Variants in FOXK1 observed in about 807,000 individuals in gnomAD.
FOXK1 encodes forkhead box protein K1.
FOXK1 carries 19 observed loss-of-function variants against 51.9 expected under a neutral mutation model. The observed-to-expected ratio is 0.37, with a 90% CI of 0.26 to 0.54. The LOEUF is 0.54. Among genes scored for constraint, FOXK1 ranks in the 20% least tolerant of loss-of-function variants. The pLI, the probability that FOXK1 is intolerant of heterozygous loss-of-function variation, is 0.87. For missense variants in FOXK1, 870 were observed against 1,032.7 expected, an observed-to-expected ratio of 0.84 and a Z score of 2.16; for synonymous variants, 537 against 482.6, an observed-to-expected ratio of 1.11 and a Z score of -1.48.
intron 1 of FOXK1, among the ~76,000 whole-genome samples, chr7:4,686,755 T>G (rs1471052677): frequency 6.6e-6 from 1 of 152,008 alleles, no homozygotes; most frequent in African/African-American, 2.4e-5. Context: ...CACATGAATT[T>G]GCAGCTTCTG....
intron 1 of FOXK1, among the ~76,000 whole-genome samples, chr7:4,700,072 C>T (rs1453129699): frequency 6.6e-6 from 1 of 152,166 alleles, no homozygotes; most frequent in Non-Finnish European, 1.5e-5. Flanking sequence ...AGAGCCATTT[C>T]CGTCAGGAGG....
Position 4,729,837 on chromosome 7 carries a change from A to C in FOXK1, c.561-11001A>C, listed in dbSNP as rs1373666951. 6.6e-6 allele frequency among the ~76,000 whole-genome samples: 1 copy of C among 152,072 alleles called. No homozygotes were observed. The highest frequency in any genetic ancestry group is 1.5e-5 in the Non-Finnish European group (1 of 68,008). Reference sequence around the variant, plus strand: ...AAACCCCATCTCTACTAACAATACAAAAACTAGCCAGGCCTGGTAGTGGGT... The same window carrying C: ...AAACCCCATCTCTACTAACAATACACAAACTAGCCAGGCCTGGTAGTGGGT... On this transcript the variant is annotated intron_variant, in intron 1 of 8. Coordinates refer to ENST00000328914, the MANE Select transcript of FOXK1 (RefSeq NM_001037165.2). The surrounding 1 kb of genome is among the most constrained non-coding windows in gnomAD (Gnocchi z 6.2).
In FOXK1 at chr7:4,729,957, T is replaced by C. The variant is rs970565861; in HGVS notation, c.561-10881T>C. On this transcript the variant is annotated intron_variant, in intron 1 of 8. Transcript: ENST00000328914. The surrounding 1 kb of genome is among the most constrained non-coding windows in gnomAD (Gnocchi z 6.2). ...GTGAGCTGAGATCCAGCCACTGCCC[T>C]CCAGCCTGGGCGACAGAGCGAGACT... Among the ~76,000 whole-genome samples, 2 of 151,986 alleles carry C rather than the reference T, an allele frequency of 1.3e-5. No individual in the cohort carries two copies. The highest frequency in any genetic ancestry group is 6.6e-5 in the Admixed American group (1 of 15,252).
At position 4,718,231 on chromosome 7, in the gene FOXK1, G is replaced by A. The variant is rs989991802; in HGVS notation, c.561-22607G>A. Among the ~76,000 whole-genome samples the A allele has an allele frequency of 5.3e-5, 8 of 152,304 alleles. No individual in the cohort carries two copies. The East Asian group carries it at 5.8e-4, about 11-fold the overall frequency. On this transcript the variant is annotated intron_variant, in intron 1 of 8. Coordinates refer to ENST00000328914, the MANE Select transcript of FOXK1 (RefSeq NM_001037165.2). ...GCATCGGTGCGCTGTGTGTGGTTCCGTCATCTCATCCCGTGTGGCTCTGCG... is the reference window on the plus strand; with the variant it reads ...GCATCGGTGCGCTGTGTGTGGTTCCATCATCTCATCCCGTGTGGCTCTGCG...
Position 4,756,909 on chromosome 7 carries a change from G to C in FOXK1, c.1051-85G>C. The C allele has an allele frequency of 6.8e-7, 1 of 1,464,730 alleles. No homozygotes were observed. The allele number at this position is 1,464,730 out of a possible 1,614,324, so 90.7% of individuals were successfully genotyped here. On this transcript the variant is annotated intron_variant, in intron 4 of 8. Transcript: ENST00000328914. This position sits in a 1 kb window ranked among gnomAD's most constrained non-coding sequence, Gnocchi z 4.1. ...AGAGGGACGGCCTCCCCTCACCCTG[G>C]TCCCGCATCTGCTGCAGATTTGAGG...
intron 1 of FOXK1, among the ~76,000 whole-genome samples, chr7:4,724,997 G>T (rs1288956152): frequency 6.6e-6 from 1 of 152,198 alleles, no homozygotes; most frequent in Non-Finnish European, 1.5e-5. Context: ...TGGGTTTGGG[G>T]GGAGCCCCGC....
rs1562373131 is a variant in FOXK1 at position 4,706,006 on chromosome 7, A to ATATATACGTG, written c.560+23147_560+23148insGTATATACGT. Among the ~76,000 whole-genome samples, 137 of 100,204 alleles carry ATATATACGTG rather than the reference A, an allele frequency of 1.4e-3. 3 individuals carry two copies. The highest frequency in any genetic ancestry group is 1.8e-3 in the Non-Finnish European group (99 of 53,554). The allele number at this position is 100,204 out of a possible 152,430, so 65.7% of individuals were successfully genotyped here. On this transcript the variant is annotated intron_variant, in intron 1 of 8. Coordinates refer to ENST00000328914, the MANE Select transcript of FOXK1 (RefSeq NM_001037165.2). ...TACGTATATATACGTATATATACGT[A>ATATATACGTG]TATATACGTATATATACGTGTATAT...
At position 4,762,073 on chromosome 7, in the gene FOXK1, G is replaced by A; in HGVS notation, c.1922-111G>A. ...GGTAGCCGTCCTGCCTGGCAGGGGT[G>A]CACTGACCTCCGGTTCCGGCTTGGT... On this transcript the variant is annotated intron_variant, in intron 8 of 8. Transcript: ENST00000328914. This position sits in a 1 kb window ranked among gnomAD's most constrained non-coding sequence, Gnocchi z 5.7. 7.8e-7 allele frequency: 1 copy of A among 1,285,936 alleles called. No individual in the cohort carries two copies. The highest frequency in any genetic ancestry group is 1.1e-6 in the Non-Finnish European group (1 of 939,954). The allele number at this position is 1,285,936 out of a possible 1,614,324, so 79.7% of individuals were successfully genotyped here.
At chr7:4,717,336 GGT>G (rs1408144037) in intron 1 of FOXK1, among the ~76,000 whole-genome samples, 2 of 149,344 alleles carry the variant, frequency 1.3e-5, no homozygotes, top group East Asian at 4.0e-4. Flanking sequence ...TGACTGGGGA[GGT>G]GTGTGGCTGG....
At chr7:4,736,883 G>A (rs189949904) in intron 1 of FOXK1, among the ~76,000 whole-genome samples, 4 of 152,220 alleles carry the variant, frequency 2.6e-5, no homozygotes, top group African/African-American at 4.8e-5. Context: ...CACACCTTAC[G>A]GCTCTCATTC....
At position 4,748,069 on chromosome 7, in the gene FOXK1, A is replaced by T. The variant is rs900213545; in HGVS notation, c.747-6390A>T. On this transcript the variant is annotated intron_variant, in intron 2 of 8. Transcript: ENST00000328914. This position sits in a 1 kb window ranked among gnomAD's most constrained non-coding sequence, Gnocchi z 4.9. Reference sequence around the variant, plus strand: ...GGAACACATTCTTTAAGATCATTCTAAGAAATTCGCCTCTGAAAATTTTCT... The same window carrying T: ...GGAACACATTCTTTAAGATCATTCTTAGAAATTCGCCTCTGAAAATTTTCT... Among the ~76,000 whole-genome samples the T allele has an allele frequency of 6.6e-6, 1 of 152,232 alleles. No individual in the cohort carries two copies. Among genetic ancestry groups the T allele is most frequent in the Non-Finnish European group, 1.5e-5 (1 of 68,046 alleles).
rs1353010025 is a variant in FOXK1 at position 4,758,789 on chromosome 7, G to A, written c.1245-262G>A. On this transcript the variant is annotated intron_variant, in intron 5 of 8. Coordinates refer to ENST00000328914, the MANE Select transcript of FOXK1 (RefSeq NM_001037165.2). This position sits in a 1 kb window ranked among gnomAD's most constrained non-coding sequence, Gnocchi z 4.4. ...ACCTCGGTGGAAGTGAACTCCGTAGGTTGTTGCGTTCACTGCAGCACCTCA... is the reference window on the plus strand; with the variant it reads ...ACCTCGGTGGAAGTGAACTCCGTAGATTGTTGCGTTCACTGCAGCACCTCA... The A allele has an allele frequency of 2.1e-6, 1 of 474,114 alleles. No individual in the cohort carries two copies. Among genetic ancestry groups the A allele is most frequent in the African/African-American group, 2.0e-5 (1 of 49,112 alleles). The allele number at this position is 474,114 out of a possible 1,614,324, so 29.4% of individuals were successfully genotyped here.
chr7:4,728,730 G>GAAA (rs67143977), intron 1 of FOXK1, among the ~76,000 whole-genome samples: 103 of 103,872 alleles, frequency 9.9e-4, no homozygotes, highest in African/African-American at 1.9e-3. Context: ...GTCTCTTTTT[G>GAAA]AAAAAAAAAA....
chr7:4,702,967 G>C (rs986699810), intron 1 of FOXK1, among the ~76,000 whole-genome samples: 3 of 152,152 alleles, frequency 2.0e-5, no homozygotes, highest in African/African-American at 7.2e-5. Flanking sequence ...CCCCAGGGCT[G>C]CGTGTCCTGC....
chr7:4,751,335 G>A (rs886926719), intron 2 of FOXK1, among the ~76,000 whole-genome samples: 4 of 152,008 alleles, frequency 2.6e-5, no homozygotes, highest in Admixed American at 6.6e-5. Flanking sequence ...GTGAGCCACC[G>A]TGCCCGGCCC....
intron 1 of FOXK1, among the ~76,000 whole-genome samples, chr7:4,702,433 C>G (rs796769987): frequency 3.0e-4 from 45 of 152,284 alleles, no homozygotes; most frequent in African/African-American, 1.1e-3. Context: ...ACCTCTACCT[C>G]CCTGGTTCAA....
chr7:4,704,251 G>A (rs1169911236), intron 1 of FOXK1, among the ~76,000 whole-genome samples: 1 of 152,056 alleles, frequency 6.6e-6, no homozygotes, highest in East Asian at 1.9e-4. Flanking sequence ...AGGAGTTTGA[G>A]ACCAGCCTGG....
chr7:4,740,916 C>G lies in FOXK1; in HGVS notation c.639C>G (p.Ser213=). The change falls in exon 2 of 9, where the codon TCC becomes TCG. Residue 213 remains serine, a synonymous_variant. Transcript: ENST00000328914. The part of the protein sequence containing the change: ...SLYHKEEAPA[S]PLRPLYPQIS... ...ATCACAAAGAAGAGGCCCCAGCCTCCCCGCTGCGGCCACTGTACCCCCAGA... is the reference window on the plus strand; with the variant it reads ...ATCACAAAGAAGAGGCCCCAGCCTCGCCGCTGCGGCCACTGTACCCCCAGA... The G allele has an allele frequency of 6.3e-7, 1 of 1,586,746 alleles. No homozygotes were observed.
chr7:4,748,613 T>A lies in FOXK1; in HGVS notation c.747-5846T>A, dbSNP rs1310818658. Among the ~76,000 whole-genome samples the A allele has an allele frequency of 2.0e-5, 3 of 152,218 alleles. No homozygotes were observed. Among genetic ancestry groups the A allele is most frequent in the Non-Finnish European group, 4.4e-5 (3 of 68,044 alleles). ...AGGTGGTGGTGGAGAGAGGGCTGTT[T>A]CCTGATTCCCACGTCTTCCTCTTTC... On this transcript the variant is annotated intron_variant, in intron 2 of 8. Coordinates refer to ENST00000328914, the MANE Select transcript of FOXK1 (RefSeq NM_001037165.2). The surrounding 1 kb of genome is among the most constrained non-coding windows in gnomAD (Gnocchi z 4.9).
Sources: gnomAD v4.1 joint callset for allele counts (sites outside exome capture counted in the v4.1 genomes callset) on GRCh38, gnomAD v4.1.1 for gene constraint, Gnocchi (gnomAD v3.1) non-coding constraint, MANE v1.5 for transcripts, NCBI Gene and HGNC (gene_info 2026-07-23, HGNC 2026-07-21) for gene names.